The following RPS6KA6 variants were observed in gnomAD, a reference collection of about 807,000 sequenced individuals.
RPS6KA6 encodes the protein ribosomal protein S6 kinase alpha-6.
A neutral mutation model predicts 65.4 loss-of-function variants in RPS6KA6; 27 were observed. The observed-to-expected ratio is 0.41, with a 90% CI of 0.30 to 0.57. RPS6KA6 has a LOEUF of 0.57. Among genes scored for constraint, RPS6KA6 ranks in the 20% least tolerant of loss-of-function variants. RPS6KA6 has a pLI of 0.24. For synonymous variants in RPS6KA6, 190 were observed against 184.2 expected (o/e 1.03, Z -0.26); for missense variants, 486 against 555.6 (o/e 0.87, Z 1.26).
At chrX:84,183,814 C>CCCA (rs1056839925) in intron 1 of RPS6KA6, among the ~76,000 whole-genome samples, 4 of 109,990 alleles carry the variant, frequency 3.6e-5, no homozygotes, top group Non-Finnish European at 7.6e-5. Flanking sequence ...CACCACCACC[C>CCCA]CCACCACCAC....
intron 20 of RPS6KA6, among the ~76,000 whole-genome samples, chrX:84,082,006 G>C (rs949258376): frequency 1.8e-5 from 2 of 111,972 alleles, no homozygotes; most frequent in African/African-American, 6.5e-5. Context: ...ATGGGCAAAA[G>C]CTGGAAGCAT....
At chrX:84,095,448 C>T (rs1200873719) in intron 20 of RPS6KA6, among the ~76,000 whole-genome samples, 1 of 111,323 alleles carries the variant, frequency 9.0e-6, no homozygotes, top group Non-Finnish European at 1.9e-5. Flanking sequence ...ATAAATAAGG[C>T]CAGTTATGCT....
chrX:84,130,748 C>CTTTT (rs1289927535), intron 8 of RPS6KA6, among the ~76,000 whole-genome samples: 1 of 111,072 alleles, frequency 9.0e-6, no homozygotes, highest in Non-Finnish European at 1.9e-5. Flanking sequence ...TGAAGCCAGT[C>CTTTT]TCAAAAGGCT....
intron 1 of RPS6KA6, among the ~76,000 whole-genome samples, chrX:84,180,025 C>T (rs148537867): frequency 5.9e-3 from 658 of 111,414 alleles, no homozygotes; most frequent in African/African-American, 0.02. Context: ...ATACACCAAA[C>T]CTCTCTCATT....
rs1034286942 is a variant in RPS6KA6 at position 84,147,166 on chromosome X, C to T, written c.341-108G>A. The T allele has an allele frequency of 6.0e-5, 28 of 464,520 alleles. No homozygotes were observed. In the Middle Eastern group the frequency reaches 1.2e-3, roughly 20 times the overall value. 38.3% of individuals were successfully genotyped at this position (464,520 alleles called of 1,213,427 possible). On this transcript the variant is annotated intron_variant, in intron 4 of 21. Transcript: ENST00000262752. ...ATATAAAAATACAAAACGTAACTTC[C>T]TAAATGCCGAAATTTGCAGTTTTCA...
Position 84,149,393 on chromosome X carries a change from C to T in RPS6KA6, c.259-1270G>A, listed in dbSNP as rs189137454. On this transcript the variant is annotated intron_variant, in intron 3 of 21. Coordinates refer to ENST00000262752, the MANE Select transcript of RPS6KA6 (RefSeq NM_014496.5). ...ATAGCAAGTCCTTTCCAGAGGTTTT[C>T]AATTTGCTTTGCCCAGATTCATCAG... Among the ~76,000 whole-genome samples the T allele has an allele frequency of 4.9e-3, 550 of 112,085 alleles. 6 individuals are homozygous for T. Among genetic ancestry groups the T allele is most frequent in the East Asian group, 0.048 (169 of 3,543 alleles).
chrX:84,089,831 G>A (rs2034007096), intron 20 of RPS6KA6, among the ~76,000 whole-genome samples: 1 of 111,938 alleles, frequency 8.9e-6, no homozygotes, highest in South Asian at 3.7e-4. Flanking sequence ...TGAAGGTGCT[G>A]AATTAACACA....
chrX:84,180,721 G>A (rs1406689077), intron 1 of RPS6KA6, among the ~76,000 whole-genome samples: 1 of 111,844 alleles, frequency 8.9e-6, no homozygotes, highest in Non-Finnish European at 1.9e-5. Context: ...AACTTAAATA[G>A]ACAGGCATGG....
At chrX:84,136,754 A>T (rs2034997975) in intron 6 of RPS6KA6, among the ~76,000 whole-genome samples, 1 of 111,757 alleles carries the variant, frequency 8.9e-6, no homozygotes, top group Admixed American at 9.5e-5. Flanking sequence ...CTAAGTAGCA[A>T]TTATGTGCCA....
At chrX:84,174,488 C>T (rs1305499431) in intron 1 of RPS6KA6, among the ~76,000 whole-genome samples, 3 of 111,197 alleles carry the variant, frequency 2.7e-5, no homozygotes, top group South Asian at 3.8e-4. Context: ...AGCCTCCAAG[C>T]GATTACTTTA....
intron 20 of RPS6KA6, among the ~76,000 whole-genome samples, chrX:84,079,871 T>C (rs1403333095): frequency 1.8e-5 from 2 of 112,232 alleles, no homozygotes; most frequent in South Asian, 3.7e-4. Flanking sequence ...ACAGAGCACC[T>C]GGAGGAAGGG....
chrX:84,171,958 T>C (rs988332756), intron 1 of RPS6KA6, among the ~76,000 whole-genome samples: 1 of 111,384 alleles, frequency 9.0e-6, no homozygotes, highest in Non-Finnish European at 1.9e-5. Flanking sequence ...CTGTGTTAGT[T>C]TGCTAAGGAT....
intron 8 of RPS6KA6, among the ~76,000 whole-genome samples, chrX:84,124,136 GGGTTCAACTCCC>G (rs1276944604): frequency 2.6e-4 from 29 of 111,389 alleles, no homozygotes; most frequent in African/African-American, 9.2e-4. Flanking sequence ...ATTGGGCTTG[GGGTTCAACTCCC>G]AGCGAATACC....
In RPS6KA6 at chrX:84,159,080, GTA is replaced by G. The variant is rs774882747; in HGVS notation, c.142-2891_142-2890del. Reference sequence around the variant, plus strand: ...CGTGCACACACATATACACATGTGTGTATGTGTTTATATATAGCTACTTAACA... The same window carrying G: ...CGTGCACACACATATACACATGTGTGTGTGTTTATATATAGCTACTTAACA... On this transcript the variant is annotated intron_variant, in intron 2 of 21. Coordinates refer to ENST00000262752, the MANE Select transcript of RPS6KA6 (RefSeq NM_014496.5). Among the ~76,000 whole-genome samples the G allele has an allele frequency of 2.4e-3, 272 of 111,069 alleles. 2 individuals are homozygous for G. The highest frequency in any genetic ancestry group is 9.2e-3 in the Middle Eastern group (2 of 217).
intron 12 of RPS6KA6, among the ~76,000 whole-genome samples, chrX:84,110,669 A>AC (rs1041651169): frequency 9.0e-6 from 1 of 111,008 alleles, no homozygotes; most frequent in Admixed American, 9.6e-5. Flanking sequence ...CTACAGTCAC[A>AC]CCCCCCAAGA....
At chrX:84,158,583 T>C (rs2035454070) in intron 2 of RPS6KA6, among the ~76,000 whole-genome samples, 1 of 111,432 alleles carries the variant, frequency 9.0e-6, no homozygotes, top group South Asian at 3.7e-4. Flanking sequence ...CTGTGAAGAA[T>C]ATAAACTTCT....
chrX:84,152,266 C>T (rs2035340594), intron 3 of RPS6KA6, among the ~76,000 whole-genome samples: 1 of 110,554 alleles, frequency 9.0e-6, no homozygotes, highest in Non-Finnish European at 1.9e-5. Context: ...TATCTCACTG[C>T]CCCCTTCCCA....
At chrX:84,152,352 T>A (rs1224392971) in intron 3 of RPS6KA6, among the ~76,000 whole-genome samples, 1 of 110,657 alleles carries the variant, frequency 9.0e-6, no homozygotes, top group East Asian at 2.8e-4. Flanking sequence ...TTCCCAAGGC[T>A]ATGTTTATTG....
intron 12 of RPS6KA6, among the ~76,000 whole-genome samples, chrX:84,115,243 C>T (rs1284994057): frequency 1.8e-5 from 2 of 111,394 alleles, no homozygotes; most frequent in African/African-American, 6.5e-5. Flanking sequence ...GGTACTCAAA[C>T]AACTCAACAG....
Sources: gnomAD v4.1 joint callset for allele counts (sites outside exome capture counted in the v4.1 genomes callset) on GRCh38, gnomAD v4.1.1 for gene constraint, MANE v1.5 for transcripts, NCBI Gene and HGNC (gene_info 2026-07-23, HGNC 2026-07-21) for gene names.